Variants in HDX observed in about 807,000 individuals in gnomAD.
HDX encodes chromosome X open reading frame 43.
Under a neutral mutation model 45.2 loss-of-function variants are expected in HDX, and 19 were observed. The ratio of observed to expected loss-of-function variants is 0.42; its 90% CI spans 0.29 to 0.62. The LOEUF is 0.62. HDX is among the 20% of genes least tolerant of loss of function. The probability of loss-of-function intolerance (pLI) is 0.20; values close to 1 mark genes in which losing one functional copy is unlikely to be tolerated. For missense variants in HDX, 532 were observed against 493.9 expected (o/e 1.08, Z -0.73); for synonymous variants, 188 against 172.8 (o/e 1.09, Z -0.69).
At chrX:84,486,000 C>A (rs746317739) in intron 2 of HDX, among the ~76,000 whole-genome samples, 1 of 111,385 alleles carries the variant, frequency 9.0e-6, no homozygotes, top group East Asian at 2.8e-4. Flanking sequence ...TATGACAATA[C>A]GTTTTAATTA....
In HDX at chrX:84,322,020, T is replaced by TA. The variant is rs773263706; in HGVS notation, c.1948-7dup. ...GGTAAATCTGACAGCAGTGCCTGAA[T>TA]AAAAAAAATAATATTTTTGGATTAG... On this transcript the variant is annotated splice_region_variant and splice_polypyrimidine_tract_variant and intron_variant, in intron 10 of 10. Transcript: ENST00000373177. The TA allele has an allele frequency of 5.0e-4, 561 of 1,122,534 alleles. 3 individuals carry two copies. In the African/African-American group the frequency reaches 8.8e-3, roughly 18 times the overall value. 92.5% of individuals were successfully genotyped at this position (1,122,534 alleles called of 1,213,427 possible).
chrX:84,467,739 AG>A (rs1446778893), intron 4 of HDX, among the ~76,000 whole-genome samples: 1 of 111,473 alleles, frequency 9.0e-6, no homozygotes, highest in East Asian at 2.8e-4. Flanking sequence ...GATTTTTCAG[AG>A]GGAATTATCT....
chrX:84,371,566 C>A (rs1262224678), intron 5 of HDX, among the ~76,000 whole-genome samples: 1 of 111,688 alleles, frequency 9.0e-6, no homozygotes, highest in East Asian at 2.8e-4. Flanking sequence ...GCATCTCGTG[C>A]TGGCTATTGT....
At chrX:84,467,499 C>T (rs1003523941) in intron 4 of HDX, among the ~76,000 whole-genome samples, 2 of 109,513 alleles carry the variant, frequency 1.8e-5, no homozygotes, top group Non-Finnish European at 1.9e-5. Context: ...TGGTGGTACA[C>T]GCCTGTAGTC....
chrX:84,472,444 A>T (rs1396115958), intron 3 of HDX, among the ~76,000 whole-genome samples: 1 of 111,091 alleles, frequency 9.0e-6, no homozygotes, highest in Non-Finnish European at 1.9e-5. Flanking sequence ...CTTAAAACCC[A>T]CTTTCTCTAA....
At chrX:84,501,451 C>A in intron 1 of HDX, 1 of 111,991 alleles carries the variant, frequency 8.9e-6, no homozygotes, top group Admixed American at 9.4e-5. Context: ...CAATGGACTT[C>A]ATTCTGAGTC....
intron 5 of HDX, among the ~76,000 whole-genome samples, chrX:84,419,108 C>G (rs1187622710): frequency 9.0e-6 from 1 of 111,627 alleles, no homozygotes; most frequent in Non-Finnish European, 1.9e-5. Context: ...AATGAAGAGC[C>G]CTTGGGCCCT....
intron 5 of HDX, among the ~76,000 whole-genome samples, chrX:84,371,907 A>G (rs1448947604): frequency 8.9e-6 from 1 of 111,920 alleles, no homozygotes; most frequent in African/African-American, 3.3e-5. Flanking sequence ...CACCATATCT[A>G]CTGTTAACTT....
chrX:84,394,606 A>G (rs771416946), intron 5 of HDX, among the ~76,000 whole-genome samples: 16 of 111,168 alleles, frequency 1.4e-4, no homozygotes, highest in Non-Finnish European at 2.8e-4. Context: ...TGAAGTCCCC[A>G]GTTATTATTG....
chrX:84,353,853 G>A (rs1180136064), intron 6 of HDX, among the ~76,000 whole-genome samples: 1 of 111,457 alleles, frequency 9.0e-6, no homozygotes, highest in African/African-American at 3.3e-5. Flanking sequence ...AAGGTTCCCA[G>A]TTGGTTTTGT....
intron 10 of HDX, among the ~76,000 whole-genome samples, chrX:84,323,929 GA>G (rs1261300191): frequency 8.9e-6 from 1 of 112,489 alleles, no homozygotes; most frequent in Non-Finnish European, 1.9e-5. Flanking sequence ...CCTATGGTAT[GA>G]ATATCAAGTT....
In HDX at chrX:84,336,746, T is replaced by C. The variant is rs767989092; in HGVS notation, c.1740+55A>G. 34 of 783,407 alleles carry C rather than the reference T, an allele frequency of 4.3e-5. 1 individual carries two copies. The South Asian group carries it at 7.9e-4, about 18-fold the overall frequency. 64.6% of individuals were successfully genotyped at this position (783,407 alleles called of 1,213,427 possible). ...AATGAGAATATTTTCACCAACTGGA[T>C]ACTTGGGCTTGAAATCAACCATGTA... On this transcript the variant is annotated intron_variant, in intron 8 of 10. Coordinates refer to ENST00000373177, the MANE Select transcript of HDX (RefSeq NM_001177479.2).
intron 5 of HDX, among the ~76,000 whole-genome samples, chrX:84,362,651 G>T: frequency 9.0e-6 from 1 of 110,502 alleles, no homozygotes. Flanking sequence ...TGAGGTATGG[G>T]GTTCTGTTGC....
In HDX at chrX:84,454,282, G is replaced by A. The variant is rs765566372; in HGVS notation, c.1252-13697C>T. ...CACCAAGCAGGTTCTTGGGGTCCCC[G>A]ATTCCAGGGCTTGGCTCTTGGATGG... is the stretch of plus-strand genomic sequence containing the variant. On this transcript the variant is annotated intron_variant, in intron 4 of 10. Transcript: ENST00000373177. Among the ~76,000 whole-genome samples the A allele has an allele frequency of 3.6e-5, 4 of 111,515 alleles. No individual in the cohort carries two copies. In the South Asian group the frequency reaches 1.5e-3, roughly 43 times the overall value.
At chrX:84,494,568 G>A (rs2040961088) in intron 1 of HDX, among the ~76,000 whole-genome samples, 2 of 111,878 alleles carry the variant, frequency 1.8e-5, no homozygotes, top group Non-Finnish European at 3.8e-5. Context: ...AGGTTAGGGG[G>A]ATATCCCTCA....
At chrX:84,382,246 G>T (rs2038207309) in intron 5 of HDX, among the ~76,000 whole-genome samples, 1 of 111,400 alleles carries the variant, frequency 9.0e-6, no homozygotes, top group African/African-American at 3.3e-5. Flanking sequence ...CACTGTTGGT[G>T]GAAATGTAAA....
intron 2 of HDX, among the ~76,000 whole-genome samples, chrX:84,484,393 T>A (rs1340554695): frequency 9.0e-6 from 1 of 111,610 alleles, no homozygotes; most frequent in Admixed American, 9.5e-5. Flanking sequence ...CTTCTTCACA[T>A]GATGGCAAGA....
chrX:84,417,355 G>A (rs983082741), intron 5 of HDX, among the ~76,000 whole-genome samples: 9 of 111,795 alleles, frequency 8.1e-5, no homozygotes, highest in Admixed American at 1.9e-4. Context: ...AGAAGTTGTG[G>A]TATCCCTAGA....
intron 6 of HDX, among the ~76,000 whole-genome samples, chrX:84,346,940 C>T (rs1006431217): frequency 1.8e-5 from 2 of 110,670 alleles, no homozygotes; most frequent in South Asian, 3.8e-4. Flanking sequence ...GAACTGAAAT[C>T]TTGATATAAT....
Sources: allele counts gnomAD v4.1 joint callset (sites outside exome capture counted in the v4.1 genomes callset), GRCh38; gene constraint gnomAD v4.1.1; transcripts MANE v1.5; gene names NCBI Gene and HGNC (gene_info 2026-07-23, HGNC 2026-07-21).